The following WDR70 variants were observed in gnomAD, a reference collection of about 807,000 sequenced individuals.
The protein encoded by WDR70 is WD repeat domain 70, also known as WD repeat-containing protein 70.
Under a neutral mutation model 88.6 loss-of-function variants are expected in WDR70, and 53 were observed. That is an observed-to-expected ratio of 0.60 (90% CI 0.48 to 0.75). The LOEUF (loss-of-function observed/expected upper bound fraction) is 0.75, where lower values mean the gene tolerates loss of function less well. Among genes scored for constraint, WDR70 ranks in the 30% least tolerant of loss-of-function variants. The probability of loss-of-function intolerance (pLI) is 0.00; values close to 1 mark genes in which losing one functional copy is unlikely to be tolerated. For missense variants in WDR70, 610 were observed against 823.2 expected (o/e 0.74, Z 3.17); for synonymous variants, 280 against 270.0 (o/e 1.04, Z -0.36).
At chr5:37,619,417 C>G (rs1410583716) in intron 10 of WDR70, among the ~76,000 whole-genome samples, 2 of 152,252 alleles carry the variant, frequency 1.3e-5, no homozygotes, top group East Asian at 1.9e-4. Context: ...AGGGATGCCT[C>G]TCTCTAGTAG....
At chr5:37,589,672 C>T (rs1034758715) in intron 9 of WDR70, among the ~76,000 whole-genome samples, 6 of 152,080 alleles carry the variant, frequency 3.9e-5, no homozygotes, top group Non-Finnish European at 8.8e-5. Context: ...CCTCTGCCTC[C>T]TGGGTTCAAG....
chr5:37,461,693 C>T (rs1166697718), intron 7 of WDR70, among the ~76,000 whole-genome samples: 6 of 152,082 alleles, frequency 3.9e-5, no homozygotes, highest in East Asian at 3.9e-4. Context: ...CAGTGTTAGC[C>T]AGGATGGTCT....
intron 9 of WDR70, among the ~76,000 whole-genome samples, chr5:37,568,975 G>A (rs1338279154): frequency 6.6e-6 from 1 of 152,142 alleles, no homozygotes; most frequent in Non-Finnish European, 1.5e-5. Flanking sequence ...GGTTGAGCTA[G>A]CCTGCTGGAT....
intron 10 of WDR70, among the ~76,000 whole-genome samples, chr5:37,651,535 G>T (rs897428386): frequency 6.6e-6 from 1 of 152,150 alleles, no homozygotes; most frequent in Non-Finnish European, 1.5e-5. Context: ...TTGAGGAATT[G>T]CCACCCTGTC....
At chr5:37,664,106 A>G (rs1014823720) in intron 10 of WDR70, among the ~76,000 whole-genome samples, 30 of 152,284 alleles carry the variant, frequency 2.0e-4, no homozygotes, top group African/African-American at 7.2e-4. Context: ...TCCATTAATG[A>G]CACAGCTCAA....
intron 5 of WDR70, among the ~76,000 whole-genome samples, chr5:37,428,133 T>G (rs1330785640): frequency 1.3e-5 from 2 of 152,122 alleles, no homozygotes; most frequent in Non-Finnish European, 2.9e-5. Flanking sequence ...CAGTCCTGAC[T>G]TTATTTTGGG....
At chr5:37,424,853 A>G (rs1289556979) in intron 5 of WDR70, among the ~76,000 whole-genome samples, 3 of 152,226 alleles carry the variant, frequency 2.0e-5, no homozygotes, top group East Asian at 1.9e-4. Flanking sequence ...TGTGCCTACT[A>G]TAAGCTGAAC....
chr5:37,532,224 T>A (rs964442728), intron 9 of WDR70, among the ~76,000 whole-genome samples: 1 of 152,234 alleles, frequency 6.6e-6, no homozygotes, highest in African/African-American at 2.4e-5. Context: ...GATAACCTGA[T>A]GACTGTGTGC....
intron 7 of WDR70, among the ~76,000 whole-genome samples, chr5:37,454,469 C>T (rs544041311): frequency 6.6e-6 from 1 of 152,050 alleles, no homozygotes; most frequent in African/African-American, 2.4e-5. Context: ...TATGTATGAA[C>T]AGTTACTTGA....
At chr5:37,551,768 G>GGTTTTTTTTTTTTTTTTTTT (rs1561898416) in intron 9 of WDR70, among the ~76,000 whole-genome samples, 1 of 92,728 alleles carries the variant, frequency 1.1e-5, no homozygotes, top group Non-Finnish European at 2.0e-5. Flanking sequence ...TCATTGTTTA[G>GGTTTTTTTTTTTTTTTTTTT]TTTTTTTTTT....
intron 8 of WDR70, among the ~76,000 whole-genome samples, chr5:37,514,058 A>C (rs1337254340): frequency 6.6e-6 from 1 of 152,008 alleles, no homozygotes; most frequent in African/African-American, 2.4e-5. Flanking sequence ...CCTGTCACCT[A>C]GGCTGGAGTA....
At chr5:37,430,163 A>G (rs73749031) in intron 5 of WDR70, among the ~76,000 whole-genome samples, 2,072 of 152,298 alleles carry the variant, frequency 0.014, 44 homozygotes, top group African/African-American at 0.047. Flanking sequence ...GAACTTTCCA[A>G]TGTCCTAACT....
intron 5 of WDR70, 29 bp from the exon 6 acceptor site, chr5:37,437,893 A>G (rs1339902900): frequency 1.3e-6 from 2 of 1,589,482 alleles, no homozygotes; most frequent in Admixed American, 1.8e-5. Context: ...TTATTTTACC[A>G]TTAATGTCAT....
chr5:37,500,592 T>G (rs1051467363), intron 8 of WDR70, among the ~76,000 whole-genome samples: 2 of 152,144 alleles, frequency 1.3e-5, no homozygotes, highest in Non-Finnish European at 2.9e-5. Context: ...ACACCAACAT[T>G]TATTGTTTTT....
At chr5:37,583,198 AG>A (rs1743268669) in intron 9 of WDR70, among the ~76,000 whole-genome samples, 1 of 152,168 alleles carries the variant, frequency 6.6e-6, no homozygotes, top group South Asian at 2.1e-4. Context: ...AGGCCAAAGC[AG>A]GTGGATCACG....
intron 17 of WDR70, among the ~76,000 whole-genome samples, chr5:37,732,895 G>T (rs943874428): frequency 6.6e-6 from 1 of 151,926 alleles, no homozygotes; most frequent in African/African-American, 2.4e-5. Context: ...TTTTATTTAG[G>T]AAGGCATCTC....
intron 8 of WDR70, among the ~76,000 whole-genome samples, chr5:37,514,339 C>CAT (rs70978826): frequency 0.059 from 1,682 of 28,742 alleles, 245 homozygotes; most frequent in Middle Eastern, 0.17. Context: ...TTTAGAACTA[C>CAT]ATATATATAT....
Position 37,556,789 on chromosome 5 carries a change from A to T in WDR70, c.917+40199A>T, listed in dbSNP as rs1316700670. ...TTAAACATAGGAATGTCATGTGTCA[A>T]TTAGGGATACAGCAAAACCCTTCTA... On this transcript the variant is annotated intron_variant, in intron 9 of 17. Coordinates refer to ENST00000265107, the MANE Select transcript of WDR70 (RefSeq NM_018034.4). 2.0e-5 allele frequency among the ~76,000 whole-genome samples: 3 copies of T among 152,334 alleles called. No individual in the cohort carries two copies. In the East Asian group the frequency reaches 5.8e-4, roughly 29 times the overall value.
chr5:37,506,852 G>T, intron 8 of WDR70: 1 of 1,237,608 alleles, frequency 8.1e-7, no homozygotes, highest in Non-Finnish European at 1.2e-6. Flanking sequence ...AGGGTCACCC[G>T]CCTCATTGCG....
Sources: gnomAD v4.1 joint callset for allele counts (sites outside exome capture counted in the v4.1 genomes callset) on GRCh38, gnomAD v4.1.1 for gene constraint, MANE v1.5 for transcripts, NCBI Gene and HGNC (gene_info 2026-07-23, HGNC 2026-07-21) for gene names.